CYTH1: variants seen among roughly 807,000 people sequenced by gnomAD.
CYTH1 encodes the protein cytohesin-1.
A neutral mutation model predicts 61.8 loss-of-function variants in CYTH1; 18 were observed. The observed-to-expected ratio is 0.29, with a 90% CI of 0.20 to 0.43. CYTH1 has a LOEUF of 0.43. Ranked by LOEUF, CYTH1 falls within the 20% of genes least tolerant of loss-of-function variation. The pLI, the probability that CYTH1 is intolerant of heterozygous loss-of-function variation, is 1.00. For missense variants in CYTH1, 336 were observed against 510.5 expected (o/e 0.66, Z 3.29); for synonymous variants, 174 against 184.3 (o/e 0.94, Z 0.45).
At chr17:78,693,265 C>A (rs542114266) in intron 10 of CYTH1, among the ~76,000 whole-genome samples, 1 of 152,112 alleles carries the variant, frequency 6.6e-6, no homozygotes, top group Non-Finnish European at 1.5e-5. Flanking sequence ...CAAGCTCTGG[C>A]GGTGGTGGCT....
rs1257949437 is a variant in CYTH1 at position 78,675,212 on chromosome 17, T to G, written c.*879A>C. 1 of 152,270 alleles carries G rather than the reference T, an allele frequency of 6.6e-6. No homozygotes were observed. The allele number at this position is 152,270 out of a possible 1,614,324, so 9.4% of individuals were successfully genotyped here. The stretch of plus-strand genomic sequence containing the variant: ...TATTTAGCTCAAGGAAAATGCTGAC[T>G]TTCTACTTTAAAGCCCAACAAGAAC... On this transcript the variant is annotated 3_prime_UTR_variant, in exon 14 of 14. Transcript: ENST00000446868.
At chr17:78,696,182 C>T (rs1311811294) in intron 9 of CYTH1, among the ~76,000 whole-genome samples, 173 bp from the exon 10 acceptor site, 1 of 152,198 alleles carries the variant, frequency 6.6e-6, no homozygotes, top group East Asian at 1.9e-4. Flanking sequence ...ACTCAACGGG[C>T]AAATGATCCC....
At chr17:78,709,855 CTGAG>C (rs1394895496) in intron 1 of CYTH1, 123 bp from the exon 2 acceptor site, 1 of 779,570 alleles carries the variant, frequency 1.3e-6, no homozygotes, top group Non-Finnish European at 2.1e-6. Context: ...TCAGAAATGA[CTGAG>C]TGATAGAAAT....
At chr17:78,742,493 T>A (rs2093345242) in intron 1 of CYTH1, among the ~76,000 whole-genome samples, 1 of 151,396 alleles carries the variant, frequency 6.6e-6, no homozygotes, top group Non-Finnish European at 1.5e-5. Flanking sequence ...ATCTGCAAGG[T>A]TGAAGCCACA....
chr17:78,749,913 C>T (rs1455633528), intron 1 of CYTH1, among the ~76,000 whole-genome samples: 1 of 152,116 alleles, frequency 6.6e-6, no homozygotes, highest in Non-Finnish European at 1.5e-5. Context: ...GCAGAAACTA[C>T]TATTACCCAA....
At chr17:78,690,986 T>A (rs1367465073) in intron 11 of CYTH1, among the ~76,000 whole-genome samples, 3 of 152,158 alleles carry the variant, frequency 2.0e-5, no homozygotes, top group African/African-American at 7.2e-5. Flanking sequence ...AGGCAAAATA[T>A]AGGGCAGAAG....
At chr17:78,709,892 A>T (rs891100046) in intron 1 of CYTH1, among the ~76,000 whole-genome samples, 160 bp from the exon 2 acceptor site, 5 of 152,258 alleles carry the variant, frequency 3.3e-5, no homozygotes, top group Non-Finnish European at 7.3e-5. Flanking sequence ...AATTCTTATC[A>T]GATTTCTAAG....
chr17:78,685,311 C>G (rs769322864), intron 11 of CYTH1, among the ~76,000 whole-genome samples: 51 of 151,090 alleles, frequency 3.4e-4, no homozygotes, highest in Admixed American at 8.6e-4. Context: ...ACAAAATCTT[C>G]TAATTCTTCA....
At position 78,711,872 on chromosome 17, in the gene CYTH1, T is replaced by C. The variant is rs118046240; in HGVS notation, c.23-2140A>G. On this transcript the variant is annotated intron_variant, in intron 1 of 13. Coordinates refer to ENST00000446868, the MANE Select transcript of CYTH1 (RefSeq NM_004762.6). ...AAACCAGGCAGACTGCTTGAGCCCA[T>C]TGGGACCAGCATGGACAACATGGTG... is the stretch of plus-strand genomic sequence containing the variant. Among the ~76,000 whole-genome samples, 458 of 151,824 alleles carry C rather than the reference T, an allele frequency of 3.0e-3. 18 individuals are homozygous for C. In the East Asian group the frequency reaches 0.061, roughly 20 times the overall value.
intron 1 of CYTH1, among the ~76,000 whole-genome samples, chr17:78,767,902 G>C (rs1434048336): frequency 6.6e-6 from 1 of 152,002 alleles, no homozygotes; most frequent in African/African-American, 2.4e-5. Flanking sequence ...TAGGGCTGTT[G>C]GAAATAATAT....
intron 1 of CYTH1, among the ~76,000 whole-genome samples, chr17:78,759,799 C>G (rs1302760559): frequency 6.6e-6 from 1 of 152,152 alleles, no homozygotes; most frequent in Non-Finnish European, 1.5e-5. Flanking sequence ...ACACTCAACA[C>G]GGGAAATGAA....
intron 1 of CYTH1, among the ~76,000 whole-genome samples, chr17:78,760,507 GTATA>G (rs538557662): frequency 3.5e-5 from 1 of 28,504 alleles, no homozygotes; most frequent in Non-Finnish European, 6.7e-5. Context: ...ACATATATAT[GTATA>G]TATATGTATA....
chr17:78,699,115 C>A (rs1488343696), intron 7 of CYTH1, 147 bp from the exon 8 acceptor site: 14 of 964,956 alleles, frequency 1.5e-5, no homozygotes, highest in Admixed American at 5.4e-5. Context: ...ACCTGTAATC[C>A]CTGCACTTTG....
intron 1 of CYTH1, among the ~76,000 whole-genome samples, chr17:78,775,051 G>C (rs1257684387): frequency 6.6e-6 from 1 of 152,240 alleles, no homozygotes; most frequent in Non-Finnish European, 1.5e-5. Context: ...CTTGCTGCCT[G>C]CTTTCCCTCT....
At chr17:78,689,720 T>C (rs1015717438) in intron 11 of CYTH1, among the ~76,000 whole-genome samples, 2 of 152,206 alleles carry the variant, frequency 1.3e-5, no homozygotes, top group African/African-American at 2.4e-5. Context: ...CCAGTGAATA[T>C]ACAGTCTTGA....
At chr17:78,773,427 T>TGAGG (rs936982032) in intron 1 of CYTH1, among the ~76,000 whole-genome samples, 3 of 152,084 alleles carry the variant, frequency 2.0e-5, no homozygotes, top group African/African-American at 7.2e-5. Context: ...GTCAGGAGTT[T>TGAGG]GAGGCCAGCC....
At chr17:78,730,100 G>GT (rs2093285072) in intron 1 of CYTH1, among the ~76,000 whole-genome samples, 1 of 152,074 alleles carries the variant, frequency 6.6e-6, no homozygotes, top group South Asian at 2.1e-4. Flanking sequence ...TGAAGTGCCT[G>GT]TTGTAACTAC....
chr17:78,676,011 G>C lies in CYTH1; in HGVS notation c.*80C>G. The C allele has an allele frequency of 6.4e-7, 1 of 1,554,724 alleles. No homozygotes were observed. Among genetic ancestry groups the C allele is most frequent in the South Asian group, 1.2e-5 (1 of 84,168 alleles). Reference sequence around the variant, plus strand: ...GGGCCTGGCAGAGGACGCTCTGCTCGGCAGCAGTGCATCCATGGAGGTGCG... The same window carrying C: ...GGGCCTGGCAGAGGACGCTCTGCTCCGCAGCAGTGCATCCATGGAGGTGCG... On this transcript the variant is annotated 3_prime_UTR_variant, in exon 14 of 14. Transcript: ENST00000446868.
At chr17:78,769,739 G>A (rs928674699) in intron 1 of CYTH1, among the ~76,000 whole-genome samples, 24 of 152,192 alleles carry the variant, frequency 1.6e-4, no homozygotes, top group African/African-American at 5.6e-4. Context: ...TCTGCGAGCC[G>A]GATGCAGTGG....
Sources: allele counts gnomAD v4.1 joint callset (sites outside exome capture counted in the v4.1 genomes callset), GRCh38; gene constraint gnomAD v4.1.1; transcripts MANE v1.5; gene names NCBI Gene and HGNC (gene_info 2026-07-23, HGNC 2026-07-21).